The following L3HYPDH variants were observed in gnomAD, a reference collection of about 807,000 sequenced individuals.
L3HYPDH encodes the protein trans-L-3-hydroxyproline dehydratase.
In L3HYPDH, 32 loss-of-function variants were observed where a neutral mutation model predicts 26.5. That is an observed-to-expected ratio of 1.21 (90% CI 0.91 to 1.62). The LOEUF (loss-of-function observed/expected upper bound fraction) is 1.62. Among genes scored for constraint, L3HYPDH ranks in the 40% most tolerant of loss-of-function variants. L3HYPDH has a pLI of 0.00. For missense variants in L3HYPDH, 554 were observed against 476.4 expected (o/e 1.16, Z -1.52); for synonymous variants, 215 against 196.6 (o/e 1.09, Z -0.78).
the L3HYPDH span, among the ~76,000 whole-genome samples, chr14:59,492,028 A>C: frequency 1.3e-5 from 2 of 152,186 alleles, no homozygotes; most frequent in South Asian, 4.1e-4. Context: ...GTGGTTACTA[A>C]ATAAAATAGC....
the L3HYPDH span, chr14:59,503,799 T>G: frequency 5.8e-6 from 6 of 1,035,918 alleles, no homozygotes; most frequent in Non-Finnish European, 8.8e-6. Context: ...ATTACCCAGC[T>G]GACTTAGCCT....
intron 2 of L3HYPDH, 137 bp from the exon 3 acceptor site, chr14:59,476,351 A>T (rs906681250): frequency 4.8e-6 from 3 of 621,222 alleles, no homozygotes; most frequent in Non-Finnish European, 8.2e-6. Context: ...AACGTATACT[A>T]ATTGCTAGAA....
chr14:59,484,894 C>T (rs140183238), upstream of L3HYPDH: 143 of 1,378,496 alleles, frequency 1.0e-4, 1 homozygote, highest in East Asian at 3.5e-3. Context: ...TGAGGGTTGA[C>T]TTCGGAATTG....
the L3HYPDH span, among the ~76,000 whole-genome samples, chr14:59,492,773 T>C: frequency 4.0e-5 from 6 of 150,808 alleles, no homozygotes; most frequent in African/African-American, 1.5e-4. Flanking sequence ...TCTGGAAAAA[T>C]AGAGACTATG....
the L3HYPDH span, among the ~76,000 whole-genome samples, chr14:59,489,682 C>G: frequency 6.6e-6 from 1 of 152,106 alleles, no homozygotes; most frequent in Non-Finnish European, 1.5e-5. Flanking sequence ...AAAGGAATAC[C>G]TGAGACTGGG....
intron 2 of L3HYPDH, 123 bp downstream of exon 2, chr14:59,479,059 T>C: frequency 1.4e-6 from 1 of 731,786 alleles, no homozygotes; most frequent in East Asian, 3.2e-5. Context: ...TTTTAATAAG[T>C]ACCCTATTCT....
At chr14:59,477,085 G>A (rs966474276) in intron 2 of L3HYPDH, among the ~76,000 whole-genome samples, 3 of 152,130 alleles carry the variant, frequency 2.0e-5, no homozygotes, top group Non-Finnish European at 2.9e-5. Flanking sequence ...AAGTTAAAGC[G>A]GCCTGCAGAT....
chr14:59,501,317 A>T, the L3HYPDH span: 22 of 1,174,920 alleles, frequency 1.9e-5, no homozygotes, highest in African/African-American at 3.0e-4. Flanking sequence ...AAATTTGACA[A>T]TTCAATATCA....
chr14:59,494,198 G>GA, the L3HYPDH span, among the ~76,000 whole-genome samples: 1 of 149,574 alleles, frequency 6.7e-6, no homozygotes, highest in African/African-American at 2.5e-5. Flanking sequence ...CTGCTAAGTA[G>GA]AAAAAAAAAT....
chr14:59,492,910 G>T, the L3HYPDH span, among the ~76,000 whole-genome samples: 1 of 150,722 alleles, frequency 6.6e-6, no homozygotes, highest in African/African-American at 2.4e-5. Context: ...TCATTCTCCT[G>T]CCTCAGCCTC....
At chr14:59,498,908 T>C in the L3HYPDH span, 1 of 1,588,806 alleles carries the variant, frequency 6.3e-7, no homozygotes, top group Non-Finnish European at 8.6e-7. Flanking sequence ...AGGCCTTTTA[T>C]GTAAGTTTGA....
At chr14:59,503,005 C>G in the L3HYPDH span, among the ~76,000 whole-genome samples, 2 of 151,882 alleles carry the variant, frequency 1.3e-5, no homozygotes, top group South Asian at 4.2e-4. Context: ...ACCTCGGCCT[C>G]CCACAGTGCT....
the L3HYPDH span, chr14:59,498,702 A>G: frequency 8.1e-7 from 1 of 1,240,736 alleles, no homozygotes; most frequent in Admixed American, 2.3e-5. Flanking sequence ...TTTTGATGTT[A>G]CAAATTCTTT....
Position 59,484,195 on chromosome 14 carries a change from T to C in L3HYPDH, c.122A>G (p.Glu41Gly). 6.3e-7 allele frequency: 1 copy of C among 1,598,760 alleles called. No homozygotes were observed. The highest frequency in any genetic ancestry group is 8.5e-7 in the Non-Finnish European group (1 of 1,179,606). ...GGCCAGCAGGGTGGGCCCAGACACC[T>C]CCGGACACCCCGCCAGCACGATACG... ...PLRIVLAGCPEVSGPTLLAKR... is the reference protein window; with the variant it reads ...PLRIVLAGCPGVSGPTLLAKR... Residue 41 changes from glutamate to glycine, a missense_variant, in exon 1 of 5, where the codon GAG (glutamate) becomes GGG (glycine). Physicochemically the swap from Glu to Gly is moderately conservative, Grantham distance 98. Transcript: ENST00000247194.
downstream of L3HYPDH, among the ~76,000 whole-genome samples, chr14:59,470,566 A>G (rs1889283695): frequency 6.6e-6 from 1 of 151,504 alleles, no homozygotes; most frequent in Non-Finnish European, 1.5e-5. Flanking sequence ...TACTAACCTC[A>G]TAAGCCTAAC....
At chr14:59,483,495 T>C in intron 1 of L3HYPDH, 1 of 1,297,308 alleles carries the variant, frequency 7.7e-7, no homozygotes, top group South Asian at 1.8e-5. Context: ...CGTACCTTGC[T>C]TTATCCACCG....
At position 59,475,880 on chromosome 14, in the gene L3HYPDH, T is replaced by A. The variant is rs1889590763; in HGVS notation, c.928A>T (p.Lys310Ter). Residue 310 changes from lysine (K) to a stop codon, truncating the protein, a stop_gained, in exon 4 of 5, where the codon AAA becomes TAA. Coordinates refer to ENST00000247194, the MANE Select transcript of L3HYPDH (RefSeq NM_144581.2). LOFTEE classifies it high-confidence loss of function. Reference protein sequence around the residue: ...SSATGSVFTGKAVREAKCGDF... With the variant: ...SSATGSVFTG ...AGGGTGCCACTTACCCTCACAGCTT[T>A]CCCTGTGAATACTGAGCCAGTTGCA... 6.2e-7 allele frequency: 1 copy of A among 1,612,368 alleles called. No individual in the cohort carries two copies. Among genetic ancestry groups the A allele is most frequent in the Admixed American group, 1.7e-5 (1 of 59,820 alleles).
chr14:59,479,492 T>C, intron 1 of L3HYPDH, 141 bp from the exon 2 acceptor site: 1 of 783,758 alleles, frequency 1.3e-6, no homozygotes, highest in Non-Finnish European at 2.0e-6. Context: ...AAAAATCCGT[T>C]TTTTAAATGA....
At chr14:59,479,644 C>T (rs374188092) in intron 1 of L3HYPDH, among the ~76,000 whole-genome samples, 3 of 152,130 alleles carry the variant, frequency 2.0e-5, no homozygotes, top group African/African-American at 2.4e-5. Flanking sequence ...CTAGGAAACA[C>T]CCCTGAGGCC....
Sources: gnomAD v4.1 joint callset for allele counts (sites outside exome capture counted in the v4.1 genomes callset) on GRCh38, gnomAD v4.1.1 for gene constraint, MANE v1.5 for transcripts, NCBI Gene and HGNC (gene_info 2026-07-23, HGNC 2026-07-21) for gene names.